SMAD9: variants seen among roughly 807,000 people sequenced by gnomAD.
SMAD9 encodes SMAD family member 9.
SMAD9 carries 36 observed loss-of-function variants against 46.1 expected under a neutral mutation model. The ratio of observed to expected loss-of-function variants is 0.78; its 90% CI spans 0.60 to 1.03. The LOEUF (loss-of-function observed/expected upper bound fraction) is 1.03. SMAD9 is among the 50% of genes least tolerant of loss of function. The probability of loss-of-function intolerance (pLI) is 0.00; values close to 1 mark genes in which losing one functional copy is unlikely to be tolerated. For synonymous variants in SMAD9, 245 were observed against 237.1 expected, an observed-to-expected ratio of 1.03 and a Z score of -0.31; for missense variants, 572 against 599.8, an observed-to-expected ratio of 0.95 and a Z score of 0.48.
chr13:36,876,367 C>T (rs1170677281), intron 2 of SMAD9, among the ~76,000 whole-genome samples: 1 of 152,112 alleles, frequency 6.6e-6, no homozygotes, highest in East Asian at 1.9e-4. Context: ...TGTACCACAA[C>T]AACAGTCTTG....
In SMAD9 at chr13:36,879,271, G is replaced by A. The variant is rs772706913; in HGVS notation, c.412+7C>T. On this transcript the variant is annotated splice_region_variant and intron_variant, in intron 2 of 6. Transcript: ENST00000379826. ...AAATAAACCTTGACGTCGTAAAGAC[G>A]ACCCACCTGGAGTCTCCACCCGGCG... is the stretch of plus-strand genomic sequence containing the variant. 8.1e-6 allele frequency: 13 copies of A among 1,613,242 alleles called. No individual in the cohort carries two copies. The East Asian group carries it at 1.1e-4, about 14-fold the overall frequency.
At chr13:36,892,355 G>A (rs1270928330) in intron 1 of SMAD9, among the ~76,000 whole-genome samples, 1 of 152,026 alleles carries the variant, frequency 6.6e-6, no homozygotes, top group South Asian at 2.1e-4. Context: ...GCCAAAAGAG[G>A]ATACACCAGC....
intron 5 of SMAD9, among the ~76,000 whole-genome samples, chr13:36,854,112 T>C (rs1226938197): frequency 6.6e-6 from 1 of 151,968 alleles, no homozygotes; most frequent in African/African-American, 2.4e-5. Context: ...TGAGCCAAGG[T>C]AGCGCCACTG....
intron 1 of SMAD9, among the ~76,000 whole-genome samples, chr13:36,903,378 G>T (rs1377108660): frequency 6.6e-6 from 1 of 152,090 alleles, no homozygotes; most frequent in African/African-American, 2.4e-5. Context: ...ACCTGCCTCG[G>T]CCTCCCAAAG....
chr13:36,865,521 A>C lies in SMAD9; in HGVS notation c.1003+16T>G. On this transcript the variant is annotated intron_variant, in intron 5 of 6. Transcript: ENST00000379826. ...TTTCGGCTAGATGACTAAAGGAATAACATCTTTGCTCTTACCCTTTCCTAT... is the reference window on the plus strand; with the variant it reads ...TTTCGGCTAGATGACTAAAGGAATACCATCTTTGCTCTTACCCTTTCCTAT... 1 of 1,598,056 alleles carries C rather than the reference A, an allele frequency of 6.3e-7. No individual in the cohort carries two copies. The highest frequency in any genetic ancestry group is 8.6e-7 in the Non-Finnish European group (1 of 1,166,126).
Position 36,855,571 on chromosome 13 carries a change from A to G in SMAD9, c.1004-1896T>C, listed in dbSNP as rs1423005424. 1.3e-4 allele frequency among the ~76,000 whole-genome samples: 20 copies of G among 152,160 alleles called. 1 individual carries two copies. On this transcript the variant is annotated intron_variant, in intron 5 of 6. Coordinates refer to ENST00000379826, the MANE Select transcript of SMAD9 (RefSeq NM_001127217.3). ...TAGAAACAATCCAGAATATACTTATATATTTGGGGTCTAATTGTGAAACTT... is the reference window on the plus strand; with the variant it reads ...TAGAAACAATCCAGAATATACTTATGTATTTGGGGTCTAATTGTGAAACTT...
chr13:36,910,318 G>A (rs1261619072), intron 1 of SMAD9, among the ~76,000 whole-genome samples: 6 of 152,112 alleles, frequency 3.9e-5, no homozygotes, highest in Non-Finnish European at 5.9e-5. Flanking sequence ...ATGAGAAGAG[G>A]GAGGGATGAA....
intron 1 of SMAD9, among the ~76,000 whole-genome samples, chr13:36,881,358 T>C (rs1007346914): frequency 2.0e-5 from 3 of 152,212 alleles, no homozygotes; most frequent in African/African-American, 2.4e-5. Flanking sequence ...TCTCCAACAA[T>C]TGTTTGTTTA....
In SMAD9 at chr13:36,853,675, C is replaced by A. The variant is rs1264989837; in HGVS notation, c.1004G>T (p.Gly335Val). The change falls in exon 6 of 7, where the codon GGT becomes GTT. Residue 335 changes from glycine to valine, a missense_variant and splice_region_variant. Gly to Val is a moderately radical substitution (Grantham distance 109). Coordinates refer to ENST00000379826, the MANE Select transcript of SMAD9 (RefSeq NM_001127217.3). ...TCCCCCGACGTAGTACAAGTGCACA[C>A]CTGCAGACACAAAAACACAGCCTTC... is the stretch of plus-strand genomic sequence containing the variant. ...IENTRRHIGK[G>V]VHLYYVGGEV... 6.2e-7 allele frequency: 1 copy of A among 1,613,986 alleles called. No individual in the cohort carries two copies. Among genetic ancestry groups the A allele is most frequent in the South Asian group, 1.1e-5 (1 of 91,082 alleles).
chr13:36,886,940 G>A (rs1474342247), intron 1 of SMAD9, among the ~76,000 whole-genome samples: 2 of 151,938 alleles, frequency 1.3e-5, no homozygotes, highest in African/African-American at 4.8e-5. Context: ...GTGAGTGGCT[G>A]GAAGTGAGGC....
At chr13:36,874,158 A>C (rs1014667937) in intron 2 of SMAD9, among the ~76,000 whole-genome samples, 1 of 152,210 alleles carries the variant, frequency 6.6e-6, no homozygotes, top group African/African-American at 2.4e-5. Context: ...ACAAGGGGGA[A>C]GTGGTCTAAG....
At position 36,872,689 on chromosome 13, in the gene SMAD9, A is replaced by C. The variant is rs762883731; in HGVS notation, c.639T>G (p.Pro213=). 6.2e-7 allele frequency: 1 copy of C among 1,614,026 alleles called. No homozygotes were observed. The highest frequency in any genetic ancestry group is 1.1e-5 in the South Asian group (1 of 91,070). Residue 213 remains proline (P), a synonymous_variant, in exon 3 of 7, where the codon CCT becomes CCG. Transcript: ENST00000379826. ...TASYPHSPGS[P]SEPESPYQHS... ...GTTGATAGGGACTCTCTGGCTCAGA[A>C]GGACTTCCTGGGGAGTGAGGGTAGC...
chr13:36,905,232 C>A (rs914675918), intron 1 of SMAD9, among the ~76,000 whole-genome samples: 5 of 152,094 alleles, frequency 3.3e-5, no homozygotes, highest in African/African-American at 1.2e-4. Context: ...GGTTGAGAAA[C>A]CCTCATCTAG....
intron 1 of SMAD9, among the ~76,000 whole-genome samples, chr13:36,882,155 T>C (rs1425106866): frequency 3.9e-5 from 6 of 152,058 alleles, no homozygotes; most frequent in South Asian, 2.1e-4. Flanking sequence ...ACAGACTTTA[T>C]TGCAGAGCAG....
chr13:36,897,849 C>CTTTTTTTT (rs574741770), intron 1 of SMAD9, among the ~76,000 whole-genome samples: 1 of 90,018 alleles, frequency 1.1e-5, no homozygotes, highest in Non-Finnish European at 2.1e-5. Flanking sequence ...TGTCCTGTGT[C>CTTTTTTTT]TTTTTTTTTT....
chr13:36,846,046 A>G lies in SMAD9; in HGVS notation c.*2630T>C, dbSNP rs1397893971. On this transcript the variant is annotated 3_prime_UTR_variant, in exon 7 of 7. Coordinates refer to ENST00000379826, the MANE Select transcript of SMAD9 (RefSeq NM_001127217.3). ...ATGATCATAGTTCACTACAGCCCCAAACTCCTGGGCTCAGATGATCCTCCC... is the reference window on the plus strand; with the variant it reads ...ATGATCATAGTTCACTACAGCCCCAGACTCCTGGGCTCAGATGATCCTCCC... 6.6e-6 allele frequency: 1 copy of G among 152,004 alleles called. No individual in the cohort carries two copies. The highest frequency in any genetic ancestry group is 1.5e-5 in the Non-Finnish European group (1 of 68,006). 9.4% of individuals were successfully genotyped at this position (152,004 alleles called of 1,614,324 possible). A position where few individuals can be genotyped will look rare whatever the true frequency, so the allele number is the denominator to read the frequency against.
chr13:36,861,265 C>G lies in SMAD9; in HGVS notation c.1003+4272G>C, dbSNP rs188465188. On this transcript the variant is annotated intron_variant, in intron 5 of 6. Coordinates refer to ENST00000379826, the MANE Select transcript of SMAD9 (RefSeq NM_001127217.3). ...ATAAAAGCCAGAAATGGTGTGAAGG[C>G]TAATTGATATCTACTGGGTAGGGGA... 1.4e-4 allele frequency among the ~76,000 whole-genome samples: 21 copies of G among 152,230 alleles called. No individual in the cohort carries two copies. The East Asian group carries it at 3.9e-3, about 28-fold the overall frequency.
At chr13:36,867,444 G>A (rs2058246407) in intron 3 of SMAD9, 61 bp from the exon 4 acceptor site, 2 of 1,141,864 alleles carry the variant, frequency 1.8e-6, no homozygotes, top group Non-Finnish European at 2.5e-6. Context: ...AAGACAGTTG[G>A]ATCCGACATC....
intron 5 of SMAD9, 84 bp from the exon 6 acceptor site, chr13:36,853,759 T>G: frequency 7.2e-7 from 1 of 1,397,464 alleles, no homozygotes; most frequent in South Asian, 1.2e-5. Flanking sequence ...CTAGGAGATG[T>G]GACTCTCCCA....
Sources: allele counts gnomAD v4.1 joint callset (sites outside exome capture counted in the v4.1 genomes callset), GRCh38; gene constraint gnomAD v4.1.1; transcripts MANE v1.5; gene names NCBI Gene and HGNC (gene_info 2026-07-23, HGNC 2026-07-21).